Variants in SLC35F3 observed in about 807,000 individuals in gnomAD.
SLC35F3 encodes the protein putative thiamine transporter SLC35F3.
A neutral mutation model predicts 49.9 loss-of-function variants in SLC35F3; 25 were observed. The ratio of observed to expected loss-of-function variants is 0.50; its 90% CI spans 0.37 to 0.70. The LOEUF (loss-of-function observed/expected upper bound fraction) is 0.70, where lower values mean the gene tolerates loss of function less well. Ranked by LOEUF, SLC35F3 falls within the 30% of genes least tolerant of loss-of-function variation. SLC35F3 has a pLI of 0.00. For missense variants in SLC35F3, 525 were observed against 639.8 expected (o/e 0.82, Z 1.94); for synonymous variants, 275 against 265.4 (o/e 1.04, Z -0.35).
Position 233,942,477 on chromosome 1 carries a change from G to A in SLC35F3, c.283+36719G>A, listed in dbSNP as rs183715261. On this transcript the variant is annotated intron_variant, in intron 2 of 7. Coordinates refer to ENST00000366618, the MANE Select transcript of SLC35F3 (RefSeq NM_173508.4). ...TGCTCTGTCACCTAGGCTAGAGTGC[G>A]ATGGCACAATCATGGCTCACTGCAG... Among the ~76,000 whole-genome samples the A allele has an allele frequency of 2.4e-3, 368 of 152,114 alleles. 1 individual carries two copies. The highest frequency in any genetic ancestry group is 6.8e-3 in the Middle Eastern group (2 of 294).
intron 2 of SLC35F3, among the ~76,000 whole-genome samples, chr1:234,157,042 G>A (rs1395745662): frequency 6.6e-6 from 1 of 152,138 alleles, no homozygotes; most frequent in Admixed American, 6.5e-5. Flanking sequence ...TTATTACGGT[G>A]GTGATGGTAC....
At chr1:234,043,434 G>T (rs1243343892) in intron 2 of SLC35F3, among the ~76,000 whole-genome samples, 1 of 151,958 alleles carries the variant, frequency 6.6e-6, no homozygotes, top group African/African-American at 2.4e-5. Flanking sequence ...AATATAAAAG[G>T]TAAATATATT....
intron 2 of SLC35F3, among the ~76,000 whole-genome samples, chr1:234,190,136 A>G (rs1391142879): frequency 6.6e-6 from 1 of 152,214 alleles, no homozygotes; most frequent in East Asian, 1.9e-4. Flanking sequence ...GTCTCACGGG[A>G]TCTATACAAC....
chr1:234,142,934 T>C (rs1418697203), intron 2 of SLC35F3, among the ~76,000 whole-genome samples: 1 of 152,226 alleles, frequency 6.6e-6, no homozygotes, highest in Non-Finnish European at 1.5e-5. Flanking sequence ...TTTTTAATTA[T>C]ATATATTTAA....
chr1:234,070,214 C>T (rs934954585), intron 2 of SLC35F3, among the ~76,000 whole-genome samples: 9 of 152,158 alleles, frequency 5.9e-5, no homozygotes, highest in Admixed American at 3.3e-4. Flanking sequence ...CTCATGCATT[C>T]CCCAGAAGGT....
intron 2 of SLC35F3, among the ~76,000 whole-genome samples, chr1:234,217,624 GGAGGCCTTTCTAAGAA>G (rs910901674): frequency 2.0e-5 from 3 of 151,990 alleles, no homozygotes; most frequent in African/African-American, 7.3e-5. Context: ...TTTCTGAGAA[GGAGGCCTTTCTAAGAA>G]GAGGCCTTTC....
chr1:234,248,334 G>C (rs374911909), intron 3 of SLC35F3, among the ~76,000 whole-genome samples: 7 of 140,990 alleles, frequency 5.0e-5, no homozygotes, highest in Non-Finnish European at 9.2e-5. Flanking sequence ...TTGGTTGGCT[G>C]GTCCATTGTT....
chr1:234,165,795 T>C (rs1666310175), intron 2 of SLC35F3, among the ~76,000 whole-genome samples: 1 of 152,178 alleles, frequency 6.6e-6, no homozygotes, highest in Non-Finnish European at 1.5e-5. Flanking sequence ...GGGATTTTAG[T>C]GTACCCCTCA....
rs1426314180 is a variant in SLC35F3, at chr1:233,942,816, G to C, written c.283+37058G>C. Among the ~76,000 whole-genome samples, 6 of 152,226 alleles carry C rather than the reference G, an allele frequency of 3.9e-5. No individual in the cohort carries two copies. In the East Asian group the frequency reaches 9.7e-4, roughly 24 times the overall value. On this transcript the variant is annotated intron_variant, in intron 2 of 7. Coordinates refer to ENST00000366618, the MANE Select transcript of SLC35F3 (RefSeq NM_173508.4). ...AGAACTTACTCATCTTGCATGACTG[G>C]AGCTTTAATGACTGAAACCCATTGA... is the stretch of plus-strand genomic sequence containing the variant.
intron 2 of SLC35F3, among the ~76,000 whole-genome samples, chr1:234,081,031 C>T (rs140911641): frequency 5.9e-5 from 9 of 152,340 alleles, no homozygotes; most frequent in African/African-American, 2.2e-4. Flanking sequence ...CCCAGGCCAA[C>T]TTAGCGACCT....
At chr1:234,164,272 C>T (rs917427306) in intron 2 of SLC35F3, among the ~76,000 whole-genome samples, 1 of 151,114 alleles carries the variant, frequency 6.6e-6, no homozygotes, top group Non-Finnish European at 1.5e-5. Context: ...CCCTCCCTTA[C>T]TCCCTCCCAT....
intron 2 of SLC35F3, among the ~76,000 whole-genome samples, chr1:234,049,239 T>C (rs2102856624): frequency 6.6e-6 from 1 of 152,234 alleles, no homozygotes; most frequent in African/African-American, 2.4e-5. Context: ...CCAATACATA[T>C]GTAAATAATT....
chr1:233,959,429 G>A (rs1662757408), intron 2 of SLC35F3, among the ~76,000 whole-genome samples: 1 of 152,162 alleles, frequency 6.6e-6, no homozygotes, highest in Admixed American at 6.5e-5. Flanking sequence ...TTTCCTCCAA[G>A]CCCAGGGGAA....
At chr1:234,259,087 A>C (rs1251073369) in intron 3 of SLC35F3, among the ~76,000 whole-genome samples, 1 of 152,202 alleles carries the variant, frequency 6.6e-6, no homozygotes, top group African/African-American at 2.4e-5. Flanking sequence ...TCCTGGATGA[A>C]GTAAGACTTT....
chr1:233,970,578 A>G (rs553572601), intron 2 of SLC35F3, among the ~76,000 whole-genome samples: 1 of 152,190 alleles, frequency 6.6e-6, no homozygotes, highest in East Asian at 1.9e-4. Context: ...AACCCCTAGT[A>G]TCTCCGAACA....
intron 2 of SLC35F3, among the ~76,000 whole-genome samples, chr1:234,110,770 A>G (rs1558232416): frequency 6.6e-6 from 1 of 152,246 alleles, no homozygotes; most frequent in Non-Finnish European, 1.5e-5. Flanking sequence ...TTATACCCTC[A>G]GACACAATAA....
chr1:234,138,963 T>C (rs529351534), intron 2 of SLC35F3, among the ~76,000 whole-genome samples: 19 of 152,356 alleles, frequency 1.2e-4, no homozygotes, highest in Non-Finnish European at 1.2e-4. Context: ...TCTGGTGTGA[T>C]GCTACTTGTT....
chr1:234,273,410 C>T (rs1668141952), intron 3 of SLC35F3, among the ~76,000 whole-genome samples: 1 of 152,184 alleles, frequency 6.6e-6, no homozygotes, highest in Admixed American at 6.5e-5. Context: ...CTCCCACGAG[C>T]CTCCCTACAA....
At chr1:234,095,482 G>A (rs189783380) in intron 2 of SLC35F3, among the ~76,000 whole-genome samples, 2 of 152,352 alleles carry the variant, frequency 1.3e-5, no homozygotes, top group East Asian at 3.9e-4. Flanking sequence ...TCGAAGTCAA[G>A]AGAAGTGATG....
Sources: allele counts gnomAD v4.1 joint callset (sites outside exome capture counted in the v4.1 genomes callset), GRCh38; gene constraint gnomAD v4.1.1; transcripts MANE v1.5; gene names NCBI Gene and HGNC (gene_info 2026-07-23, HGNC 2026-07-21).